The following PTPRK variants were observed in gnomAD, a reference collection of about 807,000 sequenced individuals.
PTPRK encodes the protein receptor-type tyrosine-protein phosphatase kappa.
PTPRK carries 75 observed loss-of-function variants against 178.0 expected under a neutral mutation model. That is an observed-to-expected ratio of 0.42 (90% CI 0.35 to 0.51). The LOEUF (loss-of-function observed/expected upper bound fraction) is 0.51. Among genes scored for constraint, PTPRK ranks in the 20% least tolerant of loss-of-function variants. The probability of loss-of-function intolerance (pLI) is 0.02; values close to 1 mark genes in which losing one functional copy is unlikely to be tolerated. For synonymous variants in PTPRK, 637 were observed against 620.6 expected (o/e 1.03, Z -0.39); for missense variants, 1,441 against 1,797.8 (o/e 0.80, Z 3.59).
rs752138381 is a variant in PTPRK at position 128,082,444 on chromosome 6, A to G, written c.1770T>C (p.Asn590=). The G allele has an allele frequency of 6.2e-6, 10 of 1,603,388 alleles. No individual in the cohort carries two copies. Among genetic ancestry groups the G allele is most frequent in the Non-Finnish European group, 7.7e-6 (9 of 1,170,350 alleles). Residue 590 remains asparagine, a synonymous_variant, in exon 10 of 30, where the codon AAT becomes AAC. Transcript: ENST00000368226. The part of the protein sequence containing the change: ...GPATAINVTT[N]ISAPTLPDYE... The stretch of plus-strand genomic sequence containing the variant: ...ATTTATTCATTTGCATACCTGAGAT[A>G]TTGGTGGTGACATTGATGGCTGTGG...
chr6:128,259,342 G>T (rs983471352), intron 3 of PTPRK, among the ~76,000 whole-genome samples: 1 of 152,144 alleles, frequency 6.6e-6, no homozygotes, highest in African/African-American at 2.4e-5. Flanking sequence ...GAAATTGTCA[G>T]ATTGGGACAG....
intron 3 of PTPRK, among the ~76,000 whole-genome samples, chr6:128,320,757 T>C (rs1447567585): frequency 6.6e-6 from 1 of 152,094 alleles, no homozygotes; most frequent in Non-Finnish European, 1.5e-5. Context: ...AGCCCACTGA[T>C]CTTGCAACAA....
chr6:128,218,894 TCGTG>T, intron 6 of PTPRK, 24 bp downstream of exon 6: 3 of 1,578,522 alleles, frequency 1.9e-6, no homozygotes, highest in Non-Finnish European at 2.6e-6. Flanking sequence ...CCATGCAATT[TCGTG>T]AAGTGAAAAC....
chr6:128,165,676 T>C (rs1207299473), intron 7 of PTPRK, among the ~76,000 whole-genome samples: 2 of 151,314 alleles, frequency 1.3e-5, no homozygotes, highest in African/African-American at 2.4e-5. Context: ...GAGCTGTTCA[T>C]AAGATGATTT....
At chr6:128,417,798 G>A (rs1316847417) in intron 1 of PTPRK, among the ~76,000 whole-genome samples, 1 of 152,168 alleles carries the variant, frequency 6.6e-6, no homozygotes, top group Admixed American at 6.5e-5. Flanking sequence ...TGAGGAACAA[G>A]CAGAATTCCA....
chr6:128,475,100 G>A (rs1201905211), intron 1 of PTPRK, among the ~76,000 whole-genome samples: 1 of 152,080 alleles, frequency 6.6e-6, no homozygotes, highest in African/African-American at 2.4e-5. Context: ...TTACACACAG[G>A]GCATCTATCA....
At chr6:128,103,732 C>T (rs1018448847) in intron 7 of PTPRK, among the ~76,000 whole-genome samples, 1 of 152,150 alleles carries the variant, frequency 6.6e-6, no homozygotes, top group Admixed American at 6.5e-5. Flanking sequence ...TCCACCAATG[C>T]TATTTATTTC....
At chr6:128,241,288 A>G (rs1294469582) in intron 4 of PTPRK, 1 of 533,318 alleles carries the variant, frequency 1.9e-6, no homozygotes, top group Non-Finnish European at 3.8e-6. Flanking sequence ...AGCAGTTCTC[A>G]ATTTACGAAC....
intron 11 of PTPRK, 106 bp downstream of exon 11, chr6:128,078,707 A>T: frequency 1.6e-6 from 1 of 615,360 alleles, no homozygotes; most frequent in Non-Finnish European, 2.8e-6. Flanking sequence ...AACATAGTAC[A>T]GTCTGTATAG....
At chr6:128,054,940 C>T (rs1357360708) in intron 13 of PTPRK, among the ~76,000 whole-genome samples, 3 of 152,106 alleles carry the variant, frequency 2.0e-5, no homozygotes, top group Non-Finnish European at 4.4e-5. Flanking sequence ...TCCTAGGATT[C>T]CATGTTTCTA....
chr6:128,181,067 TATC>T (rs1801837524), intron 7 of PTPRK, among the ~76,000 whole-genome samples: 1 of 152,044 alleles, frequency 6.6e-6, no homozygotes, highest in Non-Finnish European at 1.5e-5. Flanking sequence ...GAAAATAAAA[TATC>T]ATGATACATT....
chr6:128,351,713 A>G (rs1833162132), intron 2 of PTPRK, among the ~76,000 whole-genome samples: 1 of 152,202 alleles, frequency 6.6e-6, no homozygotes, highest in Non-Finnish European at 1.5e-5. Flanking sequence ...TGAAACTTAC[A>G]TGAAACAAAT....
chr6:128,121,521 T>A (rs1298032431), intron 7 of PTPRK, among the ~76,000 whole-genome samples: 1 of 152,016 alleles, frequency 6.6e-6, no homozygotes, highest in Admixed American at 6.6e-5. Context: ...TTATATTTTA[T>A]CCTCATTCTA....
chr6:128,064,896 G>C (rs1781496994), intron 12 of PTPRK, 102 bp from the exon 13 acceptor site: 1 of 1,263,212 alleles, frequency 7.9e-7, no homozygotes, highest in Non-Finnish European at 1.0e-6. Context: ...GTCATAAAAA[G>C]GGATTATAAA....
At chr6:128,118,469 A>G (rs1339211966) in intron 7 of PTPRK, among the ~76,000 whole-genome samples, 1 of 152,206 alleles carries the variant, frequency 6.6e-6, no homozygotes, top group Non-Finnish European at 1.5e-5. Flanking sequence ...AAAACTAAAG[A>G]AGTTTTCCCT....
rs554060225 is a variant in PTPRK at position 128,051,674 on chromosome 6, G to C, written c.2194+13084C>G. ...CCTACCTCACTTTCTTCCTCCTACTGTCTCAAGATGGGTATCCTGCAAGGA... is the reference window on the plus strand; with the variant it reads ...CCTACCTCACTTTCTTCCTCCTACTCTCTCAAGATGGGTATCCTGCAAGGA... On this transcript the variant is annotated intron_variant, in intron 13 of 29. Transcript: ENST00000368226. Among the ~76,000 whole-genome samples the C allele has an allele frequency of 2.2e-4, 33 of 152,088 alleles. No homozygotes were observed. The South Asian group carries it at 2.5e-3, about 11-fold the overall frequency.
chr6:128,364,651 A>G (rs898571070), intron 2 of PTPRK, among the ~76,000 whole-genome samples: 1 of 152,210 alleles, frequency 6.6e-6, no homozygotes, highest in African/African-American at 2.4e-5. Context: ...ATAAATAAAT[A>G]ACCTCCTCCT....
chr6:128,051,525 G>A (rs1305632750), intron 13 of PTPRK, among the ~76,000 whole-genome samples: 1 of 152,152 alleles, frequency 6.6e-6, no homozygotes, highest in Non-Finnish European at 1.5e-5. Context: ...TTTCCATGCT[G>A]CTTAAAATAT....
At position 128,519,530 on chromosome 6, in the gene PTPRK, AG is replaced by A. The variant is rs796585376; in HGVS notation, c.100+728del. On this transcript the variant is annotated intron_variant, in intron 1 of 29. Transcript: ENST00000368226. The surrounding 1 kb of genome is among the most constrained non-coding windows in gnomAD (Gnocchi z 4.3). ...GCCAGCCTGGCGGTGGTTTTGCCCG[AG>A]GAGCGGGCTCCCACGCGCGAGTCAG... Among the ~76,000 whole-genome samples, 5 of 152,292 alleles carry A rather than the reference AG, an allele frequency of 3.3e-5. No homozygotes were observed. The highest frequency in any genetic ancestry group is 1.2e-4 in the African/African-American group (5 of 41,574).
Sources: gnomAD v4.1 joint callset for allele counts (sites outside exome capture counted in the v4.1 genomes callset) on GRCh38, gnomAD v4.1.1 for gene constraint, Gnocchi (gnomAD v3.1) non-coding constraint, MANE v1.5 for transcripts, NCBI Gene and HGNC (gene_info 2026-07-23, HGNC 2026-07-21) for gene names.